The following APBA1 variants were observed in gnomAD, a reference collection of about 807,000 sequenced individuals.
The protein encoded by APBA1 is amyloid-beta A4 precursor protein-binding family A member 1.
In APBA1, 55 loss-of-function variants were observed where a neutral mutation model predicts 86.6. That is an observed-to-expected ratio of 0.64 (90% CI 0.51 to 0.80). APBA1 has a LOEUF of 0.80. Among genes scored for constraint, APBA1 ranks in the 30% least tolerant of loss-of-function variants. The pLI, the probability that APBA1 is intolerant of heterozygous loss-of-function variation, is 0.00. For missense variants in APBA1, 1,090 were observed against 1,183.0 expected (o/e 0.92, Z 1.15); for synonymous variants, 511 against 493.9 (o/e 1.03, Z -0.46).
intron 1 of APBA1, among the ~76,000 whole-genome samples, chr9:69,655,493 C>T (rs1039512177): frequency 6.6e-6 from 1 of 151,734 alleles, no homozygotes; most frequent in Non-Finnish European, 1.5e-5. Flanking sequence ...ACAATAGCTA[C>T]AAAATAATAA....
At position 69,524,608 on chromosome 9, in the gene APBA1, G is replaced by GA. The variant is rs924008162; in HGVS notation, c.-69-7330dup. ...AAAAAAAAACAAAAACCTACCAACT[G>GA]AAAAAAAAAACCCTGTAACAGATGG... On this transcript the variant is annotated intron_variant, in intron 1 of 12. Coordinates refer to ENST00000265381, the MANE Select transcript of APBA1 (RefSeq NM_001163.4). 1.7e-4 allele frequency among the ~76,000 whole-genome samples: 25 copies of GA among 145,238 alleles called. 1 individual carries two copies. The highest frequency in any genetic ancestry group is 6.0e-4 in the East Asian group (3 of 5,006).
chr9:69,553,107 T>C (rs1836812367), intron 1 of APBA1, among the ~76,000 whole-genome samples: 1 of 152,202 alleles, frequency 6.6e-6, no homozygotes, highest in South Asian at 2.1e-4. Context: ...GGTTTCTCCA[T>C]GTTGCCCACG....
At position 69,573,156 on chromosome 9, in the gene APBA1, C is replaced by CA. The variant is rs538173899; in HGVS notation, c.-69-55878dup. Reference sequence around the variant, plus strand: ...GCCTCGCGACAGAGCAAGACCATCTCAAAAAAAATAAATAAATAAAGAAGA... The same window carrying CA: ...GCCTCGCGACAGAGCAAGACCATCTCAAAAAAAAATAAATAAATAAAGAAGA... On this transcript the variant is annotated intron_variant, in intron 1 of 12. Transcript: ENST00000265381. Among the ~76,000 whole-genome samples, 9 of 151,650 alleles carry CA rather than the reference C, an allele frequency of 5.9e-5. No homozygotes were observed. In the East Asian group the frequency reaches 7.8e-4, roughly 13 times the overall value.
chr9:69,542,976 A>G (rs1254627738), intron 1 of APBA1, among the ~76,000 whole-genome samples: 3 of 152,216 alleles, frequency 2.0e-5, no homozygotes, highest in African/African-American at 4.8e-5. Context: ...AAATCAGCAC[A>G]ATGAGGTTAA....
chr9:69,439,105 G>GC (rs1208999606), intron 11 of APBA1, among the ~76,000 whole-genome samples: 3 of 68,212 alleles, frequency 4.4e-5, no homozygotes, highest in Admixed American at 1.5e-4. Flanking sequence ...TTGAATATTG[G>GC]CCCCACTCTC....
intron 1 of APBA1, among the ~76,000 whole-genome samples, chr9:69,608,548 T>G (rs1822521166): frequency 6.6e-6 from 1 of 152,134 alleles, no homozygotes; most frequent in African/African-American, 2.4e-5. Context: ...GGATAAGCCT[T>G]ATTGAAGGCA....
intron 1 of APBA1, among the ~76,000 whole-genome samples, chr9:69,518,099 C>T (rs969394005): frequency 3.9e-5 from 6 of 152,132 alleles, no homozygotes; most frequent in African/African-American, 1.4e-4. Flanking sequence ...ATCCAGGATA[C>T]AACCAACCAC....
intron 1 of APBA1, among the ~76,000 whole-genome samples, chr9:69,587,756 G>A (rs956019865): frequency 2.0e-5 from 3 of 152,174 alleles, no homozygotes; most frequent in Admixed American, 1.3e-4. Flanking sequence ...CCGGCGTGGT[G>A]GCTCAAGCCT....
intron 11 of APBA1, among the ~76,000 whole-genome samples, chr9:69,436,722 CAG>C (rs1298677382): frequency 6.6e-6 from 1 of 152,020 alleles, no homozygotes. Flanking sequence ...CATCTGCAAA[CAG>C]GGATAATTTG....
At position 69,431,405 on chromosome 9, in the gene APBA1, G is replaced by A; in HGVS notation, c.2443-7C>T. 4 of 1,612,442 alleles carry A rather than the reference G, an allele frequency of 2.5e-6. No individual in the cohort carries two copies. The highest frequency in any genetic ancestry group is 1.3e-5 in the African/African-American group (1 of 74,968). ...GCATTGTCTTCATATGAATCTGAGGGTAAAGAACACACTTTAGTGGGGGGC... is the reference window on the plus strand; with the variant it reads ...GCATTGTCTTCATATGAATCTGAGGATAAAGAACACACTTTAGTGGGGGGC... On this transcript the variant is annotated splice_region_variant and splice_polypyrimidine_tract_variant and intron_variant, in intron 12 of 12. Coordinates refer to ENST00000265381, the MANE Select transcript of APBA1 (RefSeq NM_001163.4).
rs1479720394 is a variant in APBA1 at position 69,465,487 on chromosome 9, T to C, written c.1482+2336A>G. ...TGCTCTCTCTGAGAGGTTTGTGGGT[T>C]GTTGTTTTGAATGCTGTGCCTGGAA... On this transcript the variant is annotated intron_variant, in intron 5 of 12. Transcript: ENST00000265381. 2.0e-5 allele frequency: 3 copies of C among 152,276 alleles called. No homozygotes were observed. In the East Asian group the frequency reaches 5.8e-4, roughly 29 times the overall value. 9.4% of individuals were successfully genotyped at this position (152,276 alleles called of 1,614,324 possible). A position where few individuals can be genotyped will look rare whatever the true frequency, so the allele number is the denominator to read the frequency against.
At chr9:69,447,433 C>A (rs570820525) in intron 10 of APBA1, among the ~76,000 whole-genome samples, 2 of 152,170 alleles carry the variant, frequency 1.3e-5, no homozygotes, top group Non-Finnish European at 2.9e-5. Flanking sequence ...ACATTTGGGG[C>A]TGGATAACTC....
At chr9:69,459,269 T>G (rs940313486) in intron 5 of APBA1, among the ~76,000 whole-genome samples, 5 of 152,232 alleles carry the variant, frequency 3.3e-5, no homozygotes, top group Non-Finnish European at 5.9e-5. Context: ...ATTCCGTAGT[T>G]GTTAGGGACA....
intron 1 of APBA1, among the ~76,000 whole-genome samples, chr9:69,645,197 T>C (rs1823368306): frequency 6.6e-6 from 1 of 152,202 alleles, no homozygotes; most frequent in Non-Finnish European, 1.5e-5. Flanking sequence ...ATAACTTGTA[T>C]GTTTTTTATT....
At chr9:69,545,836 A>G (rs1330330) in intron 1 of APBA1, among the ~76,000 whole-genome samples, 86,601 of 152,012 alleles carry the variant, frequency 0.57, 26,120 homozygotes, top group Non-Finnish European at 0.66. Context: ...GTATTTGAAA[A>G]CAAGATATTT....
At chr9:69,635,808 T>C (rs999018906) in intron 1 of APBA1, among the ~76,000 whole-genome samples, 2 of 152,132 alleles carry the variant, frequency 1.3e-5, no homozygotes, top group African/African-American at 2.4e-5. Flanking sequence ...ACTGTAAATA[T>C]ATATGCACCC....
intron 1 of APBA1, among the ~76,000 whole-genome samples, chr9:69,565,624 A>C (rs1837013569): frequency 6.6e-6 from 1 of 152,010 alleles, no homozygotes; most frequent in South Asian, 2.1e-4. Context: ...CATTTCCACC[A>C]TTTCAAAAGC....
At chr9:69,612,351 A>C (rs1376165033) in intron 1 of APBA1, among the ~76,000 whole-genome samples, 1 of 152,090 alleles carries the variant, frequency 6.6e-6, no homozygotes, top group African/African-American at 2.4e-5. Flanking sequence ...ACATTTAAAA[A>C]TGAACTTTTC....
chr9:69,523,210 ATTACT>A (rs1187156188), intron 1 of APBA1, among the ~76,000 whole-genome samples: 1 of 152,042 alleles, frequency 6.6e-6, no homozygotes, highest in African/African-American at 2.4e-5. Flanking sequence ...GAGGCTGTAA[ATTACT>A]TTAGTTGCTC....
Sources: gnomAD v4.1 joint callset for allele counts (sites outside exome capture counted in the v4.1 genomes callset) on GRCh38, gnomAD v4.1.1 for gene constraint, MANE v1.5 for transcripts, NCBI Gene and HGNC (gene_info 2026-07-23, HGNC 2026-07-21) for gene names.